Variants in SLF2 observed in about 807,000 individuals in gnomAD.
SLF2 encodes SMC5/6 complex localization factor 2.
A neutral mutation model predicts 124.3 loss-of-function variants in SLF2; 68 were observed. That is an observed-to-expected ratio of 0.55 (90% CI 0.45 to 0.67). The LOEUF is 0.67. SLF2 is among the 30% of genes least tolerant of loss of function. The pLI is 0.00. For synonymous variants in SLF2, 480 were observed against 478.8 expected (o/e 1.00, Z -0.03); for missense variants, 1,246 against 1,373.7 (o/e 0.91, Z 1.47).
intron 17 of SLF2, among the ~76,000 whole-genome samples, chr10:100,952,277 C>T (rs1291499721): frequency 2.0e-5 from 3 of 149,712 alleles, no homozygotes; most frequent in African/African-American, 4.9e-5. Flanking sequence ...CGTGGTGGCT[C>T]ATGCCTGTAA....
At chr10:100,959,765 A>C in intron 19 of SLF2, among the ~76,000 whole-genome samples, 1 of 152,238 alleles carries the variant, frequency 6.6e-6, no homozygotes, top group East Asian at 1.9e-4. Context: ...CATTTTTAAG[A>C]CAGATCTATT....
At chr10:100,946,024 A>G (rs1429196134) in intron 13 of SLF2, among the ~76,000 whole-genome samples, 1 of 152,242 alleles carries the variant, frequency 6.6e-6, no homozygotes, top group Non-Finnish European at 1.5e-5. Context: ...ACCTACAACC[A>G]GAATTTGAGT....
intron 18 of SLF2, among the ~76,000 whole-genome samples, chr10:100,957,499 C>G (rs562346930): frequency 6.6e-6 from 1 of 151,154 alleles, no homozygotes; most frequent in African/African-American, 2.4e-5. Flanking sequence ...TACAGGCGCC[C>G]GCTACCATGC....
chr10:100,924,043 A>C lies in SLF2; in HGVS notation c.1042A>C (p.Thr348Pro). ...RNSVDSDLKSTRESMIPKARE... is the reference protein window; with the variant it reads ...RNSVDSDLKSPRESMIPKARE... ...CTCTGTGGACTCAGATCTGAAAAGCACAAGAGAATCTATGATACCAAAAGC... is the reference window on the plus strand; with the variant it reads ...CTCTGTGGACTCAGATCTGAAAAGCCCAAGAGAATCTATGATACCAAAAGC... The change falls in exon 5 of 20, where the codon ACA becomes CCA. Residue 348 changes from threonine to proline, a missense_variant. Transcript: ENST00000238961. 6.2e-7 allele frequency: 1 copy of C among 1,606,354 alleles called. No homozygotes were observed. The highest frequency in any genetic ancestry group is 1.1e-5 in the South Asian group (1 of 89,924).
At chr10:100,917,611 C>T (rs1849442414) in intron 3 of SLF2, among the ~76,000 whole-genome samples, 1 of 152,066 alleles carries the variant, frequency 6.6e-6, no homozygotes, top group South Asian at 2.1e-4. Context: ...CAGTCTTGCT[C>T]TGTTGCTCAT....
rs200299493 is a variant in SLF2, at chr10:100,928,315, T to C, written c.2043-1002T>C. ...AACTTGATAACCAAGTAGCTAACTT[T>C]AGGAATTTTTCAGATGATTAGTAGT... On this transcript the variant is annotated intron_variant, in intron 6 of 19. Coordinates refer to ENST00000238961, the MANE Select transcript of SLF2 (RefSeq NM_018121.4). 4.6e-5 allele frequency among the ~76,000 whole-genome samples: 7 copies of C among 152,212 alleles called. No homozygotes were observed. In the East Asian group the frequency reaches 9.6e-4, roughly 21 times the overall value.
chr10:100,917,583 T>C (rs746719001), intron 3 of SLF2, among the ~76,000 whole-genome samples: 26 of 152,094 alleles, frequency 1.7e-4, no homozygotes, highest in Non-Finnish European at 8.8e-5. Context: ...AGTATAGTCT[T>C]ACTTATTTAT....
intron 17 of SLF2, among the ~76,000 whole-genome samples, chr10:100,953,067 G>A (rs1279529486): frequency 6.6e-6 from 1 of 151,634 alleles, no homozygotes; most frequent in Non-Finnish European, 1.5e-5. Context: ...CCAGGCTAGA[G>A]TGCACTAGCA....
intron 11 of SLF2, among the ~76,000 whole-genome samples, chr10:100,940,212 G>T (rs1427777262): frequency 6.6e-6 from 1 of 152,194 alleles, no homozygotes; most frequent in African/African-American, 2.4e-5. Context: ...TACAGTAGTG[G>T]AAATAAACTG....
Position 100,924,133 on chromosome 10 carries a change from A to G in SLF2, c.1132A>G (p.Ile378Val), listed in dbSNP as rs1156464955. The G allele has an allele frequency of 3.1e-6, 5 of 1,613,308 alleles. No homozygotes were observed. Among genetic ancestry groups the G allele is most frequent in the South Asian group, 1.1e-5 (1 of 90,976 alleles). ...PHQKEKFIKH[I>V]ALKTPGDVLR... Reference sequence around the variant, plus strand: ...TCAGAAAGAAAAATTTATAAAACATATTGCACTGAAGACACCTGGTGATGT... The same window carrying G: ...TCAGAAAGAAAAATTTATAAAACATGTTGCACTGAAGACACCTGGTGATGT... The change falls in exon 5 of 20, where the codon ATT becomes GTT. Residue 378 changes from isoleucine to valine, a missense_variant. Around this residue, in one of 3 missense-constraint regions of SLF2, gnomAD observed 698 missense variants for 708.9 expected, o/e 0.98. Transcript: ENST00000238961.
intron 15 of SLF2, 105 bp from the exon 16 acceptor site, chr10:100,949,971 A>G: frequency 1.8e-5 from 20 of 1,113,940 alleles, no homozygotes; most frequent in East Asian, 2.5e-5. Flanking sequence ...AAAGAAAGCT[A>G]TAATAAAAGG....
chr10:100,916,145 G>T, intron 2 of SLF2, 103 bp downstream of exon 2: 1 of 805,218 alleles, frequency 1.2e-6, no homozygotes. Context: ...TAAACGTAGT[G>T]TTCAAAATTG....
chr10:100,947,004 T>C (rs376806197), intron 13 of SLF2, 35 bp from the exon 14 acceptor site: 1 of 1,538,368 alleles, frequency 6.5e-7, no homozygotes, highest in African/African-American at 1.4e-5. Flanking sequence ...TACTGTTCTG[T>C]TTGAAAAGAA....
chr10:100,946,447 CTCCCGAGTAGATGAGACTATAGATACA>C (rs1219319838), intron 13 of SLF2, among the ~76,000 whole-genome samples: 2 of 151,864 alleles, frequency 1.3e-5, no homozygotes, highest in Non-Finnish European at 2.9e-5. Flanking sequence ...ATTCCTCAAC[CTCCCGAGTAGATGAGACTATAGATACA>C]TGCCACTCCG....
chr10:100,961,796 A>T, intron 19 of SLF2, 81 bp from the exon 20 acceptor site: 1 of 1,194,922 alleles, frequency 8.4e-7, no homozygotes, highest in Admixed American at 2.0e-5. Context: ...CCATTGTCTG[A>T]TGATTAGTAG....
At chr10:100,941,450 T>C (rs757776492) in intron 11 of SLF2, among the ~76,000 whole-genome samples, 3 of 152,204 alleles carry the variant, frequency 2.0e-5, no homozygotes, top group Non-Finnish European at 4.4e-5. Context: ...CTATGTCATA[T>C]CTATTCATTC....
rs370252691 is a variant in SLF2 at position 100,954,134 on chromosome 10, G to A, written c.3331-2317G>A. ...TAACCGGGCATGGTGATGCATGCCT[G>A]TAGTCCCAACTACTTGGGAGGCTGA... is the stretch of plus-strand genomic sequence containing the variant. On this transcript the variant is annotated intron_variant, in intron 17 of 19. Transcript: ENST00000238961. Among the ~76,000 whole-genome samples, 50 of 152,098 alleles carry A rather than the reference G, an allele frequency of 3.3e-4. No individual in the cohort carries two copies. In the East Asian group the frequency reaches 8.6e-3, roughly 26 times the overall value.
intron 11 of SLF2, among the ~76,000 whole-genome samples, chr10:100,941,474 G>A (rs1276840980): frequency 6.6e-6 from 1 of 151,798 alleles, no homozygotes; most frequent in African/African-American, 2.4e-5. Flanking sequence ...TTCATTTCCT[G>A]AGTCAGTCTA....
chr10:100,924,960 A>C lies in SLF2; in HGVS notation c.1959A>C (p.Ser653=), dbSNP rs1169240632. The part of the protein sequence containing the change: ...PALSKGLRSQ[S]SDYTGHVHPG... ...TTTCCAAGGGGCTTAGATCTCAGTC[A>C]TCAGACTATACAGTAAGTAGTTCTG... is the stretch of plus-strand genomic sequence containing the variant. Residue 653 remains serine (S), a synonymous_variant, in exon 5 of 20, where the codon TCA becomes TCC. Transcript: ENST00000238961. 1 of 1,612,662 alleles carries C rather than the reference A, an allele frequency of 6.2e-7. No individual in the cohort carries two copies. The highest frequency in any genetic ancestry group is 1.7e-5 in the Admixed American group (1 of 59,874).
Sources: allele counts gnomAD v4.1 joint callset (sites outside exome capture counted in the v4.1 genomes callset), GRCh38; gene constraint gnomAD v4.1.1; regional missense constraint gnomAD v4.1.1; transcripts MANE v1.5; gene names NCBI Gene and HGNC (gene_info 2026-07-23, HGNC 2026-07-21).